The following MAPK8IP3 variants were observed in gnomAD, a reference collection of about 807,000 sequenced individuals.
MAPK8IP3 encodes the protein C-Jun-amino-terminal kinase-interacting protein 3.
MAPK8IP3 carries 49 observed loss-of-function variants against 157.8 expected under a neutral mutation model. That is an observed-to-expected ratio of 0.31 (90% CI 0.25 to 0.39). MAPK8IP3 has a LOEUF of 0.39. Among genes scored for constraint, MAPK8IP3 ranks in the 10% least tolerant of loss-of-function variants. The pLI is 1.00. For missense variants in MAPK8IP3, 1,478 were observed against 1,889.4 expected (o/e 0.78, Z 4.04); for synonymous variants, 897 against 777.7 (o/e 1.15, Z -2.55).
intron 19 of MAPK8IP3, 107 bp downstream of exon 19, chr16:1,764,566 G>A (rs760896924): frequency 4.7e-5 from 67 of 1,440,478 alleles, no homozygotes; most frequent in Non-Finnish European, 6.0e-5. Context: ...GACAGCACCC[G>A]GAAGCAGGGC....
Position 1,768,245 on chromosome 16 carries a change from C to T in MAPK8IP3, c.3609C>T (p.Gly1203=). The part of the protein sequence containing the change: ...PTSGEGARPG[G]IIHVYGDDSS... Reference sequence around the variant, plus strand: ...CTGGGGAGGGCGCCCGTCCCGGGGGCATCATCCACGTGTATGGCGATGACA... The same window carrying T: ...CTGGGGAGGGCGCCCGTCCCGGGGGTATCATCCACGTGTATGGCGATGACA... The change falls in exon 30 of 32, where the codon GGC becomes GGT. Residue 1203 remains glycine (G), a synonymous_variant. Transcript: ENST00000610761. The T allele has an allele frequency of 2.5e-6, 4 of 1,612,430 alleles. No individual in the cohort carries two copies. The highest frequency in any genetic ancestry group is 3.4e-6 in the Non-Finnish European group (4 of 1,179,986).
At position 1,706,681 on chromosome 16, in the gene MAPK8IP3, C is replaced by T. The variant is rs2037404063; in HGVS notation, c.318+24C>T. The T allele has an allele frequency of 1.7e-5, 26 of 1,515,154 alleles. No homozygotes were observed. Among genetic ancestry groups the T allele is most frequent in the Non-Finnish European group, 2.2e-5 (25 of 1,132,112 alleles). The allele number at this position is 1,515,154 out of a possible 1,614,324, so 93.9% of individuals were successfully genotyped here. On this transcript the variant is annotated intron_variant, in intron 1 of 31. Transcript: ENST00000610761. This position sits in a 1 kb window ranked among gnomAD's most constrained non-coding sequence, Gnocchi z 5.1. ...AGGTGCGTGGGCCGCGGGACCCGCC[C>T]GCATCCCCGTCCCGGACCCCCAGCC...
chr16:1,731,809 T>C (rs2039334557), intron 4 of MAPK8IP3, among the ~76,000 whole-genome samples: 1 of 152,186 alleles, frequency 6.6e-6, no homozygotes, highest in South Asian at 2.1e-4. Flanking sequence ...GTGTACATAT[T>C]TTTCCCCTAG....
intron 8 of MAPK8IP3, among the ~76,000 whole-genome samples, chr16:1,753,997 C>T (rs2041449003): frequency 6.6e-6 from 1 of 151,498 alleles, no homozygotes; most frequent in Non-Finnish European, 1.5e-5. Context: ...GATAGTGAAC[C>T]CCATCTCTAC....
chr16:1,739,136 CCG>C (rs2040394163), intron 4 of MAPK8IP3, among the ~76,000 whole-genome samples: 1 of 105,330 alleles, frequency 9.5e-6, no homozygotes, highest in Non-Finnish European at 1.9e-5. Flanking sequence ...GAGCGTGTGA[CCG>C]TCCGTGTGTG....
intron 8 of MAPK8IP3, chr16:1,749,015 GATGCTGTGTAAGTAGTTGCTGTT>G (rs2041139269): frequency 2.1e-6 from 1 of 472,730 alleles, no homozygotes. Context: ...TTATGTTGTA[GATGCTGTGTAAGTAGTTGCTGTT>G]ATGCTGTGTC....
At chr16:1,761,337 G>T in intron 13 of MAPK8IP3, 32 bp downstream of exon 13, 2 of 1,591,006 alleles carry the variant, frequency 1.3e-6, no homozygotes, top group East Asian at 2.2e-5. Context: ...CACATGCGGG[G>T]CGTCCACCAT....
In MAPK8IP3 at chr16:1,758,129, G is replaced by A. The variant is rs1242189197; in HGVS notation, c.1217-19G>A. On this transcript the variant is annotated intron_variant, in intron 8 of 31. Transcript: ENST00000610761. ...TCCCTTCCTTCCCCTGCCTCTCTGT[G>A]CGTCGCTGGACTCGCCAGGGGAGTT... 5 of 1,613,414 alleles carry A rather than the reference G, an allele frequency of 3.1e-6. No homozygotes were observed. Among genetic ancestry groups the A allele is most frequent in the Admixed American group, 3.3e-5 (2 of 59,976 alleles).
chr16:1,764,486 C>A (rs755877867), intron 19 of MAPK8IP3, 27 bp downstream of exon 19: 2 of 1,602,528 alleles, frequency 1.2e-6, no homozygotes, highest in East Asian at 2.2e-5. Context: ...CCACCGGGCA[C>A]CCTCCCTGGC....
intron 5 of MAPK8IP3, chr16:1,745,326 C>A: frequency 3.5e-6 from 1 of 288,156 alleles, no homozygotes; most frequent in Non-Finnish European, 5.2e-6. Context: ...TTCTCTCTGC[C>A]GGGTGGTGGC....
intron 4 of MAPK8IP3, among the ~76,000 whole-genome samples, chr16:1,739,126 G>A (rs1227318381): frequency 7.1e-6 from 1 of 140,946 alleles, no homozygotes; most frequent in Admixed American, 7.3e-5. Flanking sequence ...GCATCCGTGT[G>A]AGCGTGTGAC....
At chr16:1,748,457 C>T (rs2141867461) in intron 7 of MAPK8IP3, 111 bp downstream of exon 7, 1 of 1,151,858 alleles carries the variant, frequency 8.7e-7, no homozygotes, top group East Asian at 2.5e-5. Flanking sequence ...AAGGCTGTGG[C>T]CTACCGCCTC....
At chr16:1,755,691 A>G (rs1183666152) in intron 8 of MAPK8IP3, among the ~76,000 whole-genome samples, 1 of 152,076 alleles carries the variant, frequency 6.6e-6, no homozygotes, top group Non-Finnish European at 1.5e-5. Context: ...TACTAAAAAT[A>G]CAAAAATTAC....
At position 1,762,222 on chromosome 16, in the gene MAPK8IP3, C is replaced by A. The variant is rs144363669; in HGVS notation, c.1540-129C>A. On this transcript the variant is annotated intron_variant, in intron 13 of 31. Transcript: ENST00000610761. ...CCCGCTTGCCGACACCCCTCCACAC[C>A]GCTTCTTGCCTGAGGATCTGAAGGA... 2.5e-3 allele frequency: 3,238 copies of A among 1,278,794 alleles called. 18 individuals carry two copies. The highest frequency in any genetic ancestry group is 5.6e-3 in the Middle Eastern group (29 of 5,160). The allele number at this position is 1,278,794 out of a possible 1,614,324, so 79.2% of individuals were successfully genotyped here.
intron 8 of MAPK8IP3, among the ~76,000 whole-genome samples, chr16:1,757,329 C>A (rs1207153483): frequency 6.6e-6 from 1 of 152,184 alleles, no homozygotes; most frequent in Non-Finnish European, 1.5e-5. Flanking sequence ...TGGTCTCAAT[C>A]TCCTGACCTT....
chr16:1,744,654 A>T, intron 5 of MAPK8IP3: 4 of 985,494 alleles, frequency 4.1e-6, no homozygotes, highest in Non-Finnish European at 4.8e-6. Context: ...ATCTGAAGAC[A>T]CGTCAGCCTC....
chr16:1,721,379 T>TCC (rs2038511666), intron 1 of MAPK8IP3, among the ~76,000 whole-genome samples: 4 of 151,964 alleles, frequency 2.6e-5, no homozygotes, highest in Non-Finnish European at 1.5e-5. Flanking sequence ...GGCAGGAGGA[T>TCC]TGCTTGAGCC....
chr16:1,714,800 G>A (rs1234262790), intron 1 of MAPK8IP3, among the ~76,000 whole-genome samples: 4 of 152,124 alleles, frequency 2.6e-5, no homozygotes, highest in African/African-American at 7.2e-5. Context: ...ACTGAGGCAC[G>A]GTTAGCAGGC....
intron 17 of MAPK8IP3, 52 bp downstream of exon 17, chr16:1,763,835 G>A: frequency 7.5e-7 from 1 of 1,329,170 alleles, no homozygotes; most frequent in Admixed American, 3.3e-5. Flanking sequence ...GGCGGGGCGG[G>A]GGTAAGGGGC....
Sources: gnomAD v4.1 joint callset for allele counts (sites outside exome capture counted in the v4.1 genomes callset) on GRCh38, gnomAD v4.1.1 for gene constraint, Gnocchi (gnomAD v3.1) non-coding constraint, MANE v1.5 for transcripts, NCBI Gene and HGNC (gene_info 2026-07-23, HGNC 2026-07-21) for gene names.